Variants in HHLA2 observed in about 807,000 individuals in gnomAD.
HHLA2 encodes the protein HHLA2 member of B7 family, also known as HERV-H LTR-associating protein 2.
In HHLA2, 48 loss-of-function variants were observed where a neutral mutation model predicts 45.9. That is an observed-to-expected ratio of 1.05 (90% confidence interval 0.83 to 1.33). The LOEUF is 1.33. Ranked by LOEUF, HHLA2 falls within the 40% of genes most tolerant of loss-of-function variation. The probability of loss-of-function intolerance (pLI) is 0.00; values close to 1 mark genes in which losing one functional copy is unlikely to be tolerated. For synonymous variants in HHLA2, 161 were observed against 173.9 expected, an observed-to-expected ratio of 0.93 and a Z score of 0.59; for missense variants, 462 against 494.3, an observed-to-expected ratio of 0.93 and a Z score of 0.62.
chr3:108,346,257 T>C (rs997686431), intron 3 of HHLA2, among the ~76,000 whole-genome samples: 3 of 152,206 alleles, frequency 2.0e-5, no homozygotes, highest in African/African-American at 7.2e-5. Context: ...GGGATTTCAC[T>C]GTGAAACATC....
At chr3:108,322,523 C>A (rs760446885) in intron 2 of HHLA2, among the ~76,000 whole-genome samples, 7 of 152,146 alleles carry the variant, frequency 4.6e-5, no homozygotes, top group Non-Finnish European at 5.9e-5. Flanking sequence ...CATATTTGAG[C>A]AAGTTGGTAA....
At chr3:108,338,809 C>T (rs1213276304) in intron 3 of HHLA2, among the ~76,000 whole-genome samples, 2 of 152,124 alleles carry the variant, frequency 1.3e-5, no homozygotes, top group Non-Finnish European at 2.9e-5. Flanking sequence ...TTAATAATCC[C>T]TCCAGAATGA....
At position 108,348,184 on chromosome 3, in the gene HHLA2, A is replaced by G. The variant is rs190281496; in HGVS notation, c.-26-3604A>G. On this transcript the variant is annotated intron_variant, in intron 3 of 10. Coordinates refer to ENST00000619531, the Ensembl canonical transcript of HHLA2. ...ATATTTCCACATAAATAGGGCAAGC[A>G]GAAGAGAACCAGTAAAGGACTTAGA... Among the ~76,000 whole-genome samples the G allele has an allele frequency of 1.3e-4, 20 of 152,176 alleles. No homozygotes were observed. The East Asian group carries it at 2.9e-3, about 22-fold the overall frequency.
chr3:108,375,858 G>A, intron 9 of HHLA2, 58 bp downstream of exon 8: 1 of 1,587,348 alleles, frequency 6.3e-7, no homozygotes, highest in Non-Finnish European at 8.6e-7. Flanking sequence ...GCAGTCAAAA[G>A]ATATCGGCAA....
intron 1 of HHLA2, among the ~76,000 whole-genome samples, chr3:108,300,778 G>A (rs1560175987): frequency 6.6e-6 from 1 of 152,152 alleles, no homozygotes; most frequent in Non-Finnish European, 1.5e-5. Flanking sequence ...GATTCCCTTT[G>A]TTGTCTAAGC....
At chr3:108,369,805 A>G (rs2082135526) in intron 8 of HHLA2, among the ~76,000 whole-genome samples, 2 of 152,218 alleles carry the variant, frequency 1.3e-5, no homozygotes, top group African/African-American at 4.8e-5. Flanking sequence ...AGGTAAACAA[A>G]GCAGCCAGGA....
At chr3:108,360,431 T>TTTAA (rs1212136504) in intron 7 of HHLA2, among the ~76,000 whole-genome samples, 1 of 152,228 alleles carries the variant, frequency 6.6e-6, no homozygotes, top group Non-Finnish European at 1.5e-5. Flanking sequence ...AGTCAAGGGC[T>TTTAA]TTAATTGTTT....
In HHLA2 at chr3:108,351,888, T is replaced by C. The variant is rs1318830278; in HGVS notation, c.64+11T>C. The C allele has an allele frequency of 6.4e-7, 1 of 1,574,724 alleles. No homozygotes were observed. The highest frequency in any genetic ancestry group is 8.7e-7 in the Non-Finnish European group (1 of 1,145,254). On this transcript the variant is annotated intron_variant, in intron 4 of 10. Transcript: ENST00000619531. ...TGAGTGGATCTCAAGGTAATTTCGT[T>C]TGTAATACAAGTGTTAGTTATTTGC...
chr3:108,377,283 T>C, exon 11 of HHLA2: 1 of 1,572,592 alleles, frequency 6.4e-7, no homozygotes, highest in East Asian at 2.2e-5. Flanking sequence ...GTATAGGAAA[T>C]GAGAGAAGAC....
At chr3:108,298,591 A>G (rs1369510139) in intron 1 of HHLA2, among the ~76,000 whole-genome samples, 1 of 152,148 alleles carries the variant, frequency 6.6e-6, no homozygotes, top group African/African-American at 2.4e-5. Flanking sequence ...CTGGATATTC[A>G]TTTCCAGCAG....
chr3:108,368,684 A>T (rs1234347293), intron 8 of HHLA2, among the ~76,000 whole-genome samples: 1 of 152,130 alleles, frequency 6.6e-6, no homozygotes, highest in East Asian at 1.9e-4. Flanking sequence ...AGAGCTAACT[A>T]TCCTAAATAT....
intron 8 of HHLA2, among the ~76,000 whole-genome samples, chr3:108,368,781 T>C (rs1199723784): frequency 1.3e-5 from 2 of 152,042 alleles, no homozygotes; most frequent in Non-Finnish European, 2.9e-5. Flanking sequence ...ACAATAATAG[T>C]GGGAGAGTTT....
intron 8 of HHLA2, among the ~76,000 whole-genome samples, chr3:108,370,927 C>T (rs2082158991): frequency 6.6e-6 from 1 of 152,162 alleles, no homozygotes; most frequent in African/African-American, 2.4e-5. Context: ...GGATAATATC[C>T]TGCAATCTAG....
At chr3:108,337,786 C>T (rs2081499018) in intron 3 of HHLA2, among the ~76,000 whole-genome samples, 2 of 151,816 alleles carry the variant, frequency 1.3e-5, no homozygotes, top group Non-Finnish European at 2.9e-5. Context: ...TTGTCTGGGC[C>T]TTTGCTCTTT....
chr3:108,348,490 G>A (rs1425266018), intron 3 of HHLA2, among the ~76,000 whole-genome samples: 2 of 152,140 alleles, frequency 1.3e-5, no homozygotes, highest in Non-Finnish European at 2.9e-5. Flanking sequence ...TAATGGAGCT[G>A]AGAAATAGAT....
At chr3:108,368,459 G>C (rs920726340) in intron 8 of HHLA2, among the ~76,000 whole-genome samples, 1 of 141,970 alleles carries the variant, frequency 7.0e-6, no homozygotes, top group Admixed American at 7.4e-5. Context: ...GTATTCAGGA[G>C]TCCCATCTCA....
chr3:108,350,566 A>C (rs1318334974), intron 3 of HHLA2, among the ~76,000 whole-genome samples: 1 of 152,210 alleles, frequency 6.6e-6, no homozygotes, highest in Non-Finnish European at 1.5e-5. Flanking sequence ...ATATTGCATG[A>C]TTAATTTCAC....
intron 1 of HHLA2, among the ~76,000 whole-genome samples, chr3:108,304,825 A>AT (rs1323380982): frequency 1.3e-5 from 2 of 152,180 alleles, no homozygotes; most frequent in Non-Finnish European, 2.9e-5. Flanking sequence ...GTACAGCATC[A>AT]TTCTTGTTAG....
At chr3:108,364,001 G>C (rs922434067) in intron 8 of HHLA2, among the ~76,000 whole-genome samples, 3 of 150,798 alleles carry the variant, frequency 2.0e-5, no homozygotes, top group Admixed American at 2.0e-4. Flanking sequence ...TTCTTTTTAA[G>C]TTCTGGGATA....
Sources: allele counts gnomAD v4.1 joint callset (sites outside exome capture counted in the v4.1 genomes callset), GRCh38; gene constraint gnomAD v4.1.1; transcripts MANE v1.5; gene names NCBI Gene and HGNC (gene_info 2026-07-23, HGNC 2026-07-21).